Variants in MAGI1 observed in about 807,000 individuals in gnomAD.
The protein encoded by MAGI1 is membrane associated guanylate kinase, WW and PDZ domain containing 1.
In MAGI1, 58 loss-of-function variants were observed where a neutral mutation model predicts 139.9. That is an observed-to-expected ratio of 0.41 (90% CI 0.34 to 0.52). The LOEUF is 0.52. Among genes scored for constraint, MAGI1 ranks in the 20% least tolerant of loss-of-function variants. The probability of loss-of-function intolerance (pLI) is 0.12; values close to 1 mark genes in which losing one functional copy is unlikely to be tolerated. For missense variants in MAGI1, 1,874 were observed against 1,901.6 expected (o/e 0.99, Z 0.27); for synonymous variants, 812 against 737.9 (o/e 1.10, Z -1.63).
At chr3:65,615,032 AAAAGAAAG>A (rs1400293410) in intron 2 of MAGI1, among the ~76,000 whole-genome samples, 1 of 151,802 alleles carries the variant, frequency 6.6e-6, no homozygotes, top group African/African-American at 2.4e-5. Flanking sequence ...CAAAAAAAAA[AAAAGAAAG>A]AAAGAAAGAA....
intron 18 of MAGI1, among the ~76,000 whole-genome samples, chr3:65,369,354 AAAGAAT>A (rs965749503): frequency 6.6e-6 from 1 of 152,190 alleles, no homozygotes; most frequent in African/African-American, 2.4e-5. Context: ...GAAACTGCAG[AAAGAAT>A]AAGGCTACCG....
chr3:65,735,543 A>C (rs908784541), intron 1 of MAGI1, among the ~76,000 whole-genome samples: 1 of 152,138 alleles, frequency 6.6e-6, no homozygotes, highest in African/African-American at 2.4e-5. Context: ...TGAAGCCTCC[A>C]CAGATGGTCA....
At chr3:65,488,707 G>C (rs1005937275) in intron 3 of MAGI1, among the ~76,000 whole-genome samples, 3 of 151,976 alleles carry the variant, frequency 2.0e-5, no homozygotes, top group African/African-American at 7.3e-5. Flanking sequence ...TCTTGCTCCT[G>C]TTGCCCAGGC....
chr3:65,745,451 C>T (rs1209082824), intron 1 of MAGI1, among the ~76,000 whole-genome samples: 3 of 152,130 alleles, frequency 2.0e-5, no homozygotes, highest in South Asian at 2.1e-4. Context: ...AAATACAGAG[C>T]GTATTACTTA....
chr3:65,597,712 G>C (rs1272859593), intron 2 of MAGI1: 1 of 456,710 alleles, frequency 2.2e-6, no homozygotes, highest in East Asian at 7.0e-5. Flanking sequence ...GCCGCCGCCT[G>C]CCTGTCCCCA....
At chr3:65,912,004 C>G (rs1467656426) in intron 1 of MAGI1, among the ~76,000 whole-genome samples, 2 of 152,156 alleles carry the variant, frequency 1.3e-5, no homozygotes, top group Admixed American at 1.3e-4. Context: ...GATTTAAATC[C>G]AAGTGTGCCC....
chr3:65,679,799 C>A (rs1236339328), intron 1 of MAGI1, among the ~76,000 whole-genome samples: 1 of 152,102 alleles, frequency 6.6e-6, no homozygotes, highest in Non-Finnish European at 1.5e-5. Flanking sequence ...TGCTGGTTTG[C>A]AAATTATTTT....
At chr3:65,761,891 T>G (rs1287447869) in intron 1 of MAGI1, among the ~76,000 whole-genome samples, 1 of 152,130 alleles carries the variant, frequency 6.6e-6, no homozygotes, top group Non-Finnish European at 1.5e-5. Context: ...CTGTGAGAAA[T>G]GAAAAATGGT....
At chr3:65,599,570 G>C (rs1385039446) in intron 2 of MAGI1, among the ~76,000 whole-genome samples, 1 of 152,078 alleles carries the variant, frequency 6.6e-6, no homozygotes, top group Non-Finnish European at 1.5e-5. Flanking sequence ...GTTTCCCCTG[G>C]TGTACAAAAT....
chr3:65,792,863 C>A (rs546288287), intron 1 of MAGI1, among the ~76,000 whole-genome samples: 8 of 152,168 alleles, frequency 5.3e-5, no homozygotes, highest in African/African-American at 1.7e-4. Flanking sequence ...CCACGGAAAG[C>A]AAAACCATGG....
intron 13 of MAGI1, among the ~76,000 whole-genome samples, chr3:65,393,682 G>A (rs945591973): frequency 2.6e-5 from 4 of 152,098 alleles, no homozygotes; most frequent in Admixed American, 6.5e-5. Flanking sequence ...ACTCTCTTTT[G>A]GTTCCTCAAA....
At chr3:65,891,890 ATATATATATAT>A (rs2060772165) in intron 1 of MAGI1, among the ~76,000 whole-genome samples, 1 of 1,304 alleles carries the variant, frequency 7.7e-4, no homozygotes, top group Admixed American at 0.011. Flanking sequence ...AGTATAATAT[ATATATATATAT>A]ATATATATAT....
At chr3:65,493,972 T>C (rs534627610) in intron 2 of MAGI1, among the ~76,000 whole-genome samples, 1 of 152,346 alleles carries the variant, frequency 6.6e-6, no homozygotes, top group East Asian at 1.9e-4. Context: ...CAGCAGCTTT[T>C]ACGACTCCAG....
chr3:65,404,662 T>C (rs1175078746), intron 12 of MAGI1, among the ~76,000 whole-genome samples: 8 of 152,182 alleles, frequency 5.3e-5, no homozygotes, highest in Admixed American at 5.2e-4. Flanking sequence ...CTTACTAGTT[T>C]ATAATTTATT....
chr3:65,410,630 C>A (rs1945720210), intron 12 of MAGI1, among the ~76,000 whole-genome samples: 1 of 152,192 alleles, frequency 6.6e-6, no homozygotes, highest in Admixed American at 6.5e-5. Flanking sequence ...GTCAAGGTAT[C>A]TAGGGCTCAT....
chr3:65,395,550 G>A (rs763172647), intron 13 of MAGI1, among the ~76,000 whole-genome samples: 22 of 146,952 alleles, frequency 1.5e-4, no homozygotes, highest in Middle Eastern at 3.8e-3. Flanking sequence ...GCTGATGCAC[G>A]AGAATCGCTT....
intron 2 of MAGI1, among the ~76,000 whole-genome samples, chr3:65,552,510 A>C (rs942951018): frequency 6.6e-6 from 1 of 152,180 alleles, no homozygotes; most frequent in African/African-American, 2.4e-5. Context: ...TGAGCTACAC[A>C]ACTTGCTAGT....
At chr3:66,011,592 G>A (rs1001107078) in intron 1 of MAGI1, among the ~76,000 whole-genome samples, 4 of 152,044 alleles carry the variant, frequency 2.6e-5, no homozygotes, top group African/African-American at 9.7e-5. Flanking sequence ...TCCAATCCTT[G>A]TTGACTTGAG....
intron 1 of MAGI1, among the ~76,000 whole-genome samples, chr3:65,916,189 C>T (rs1352510033): frequency 6.6e-6 from 1 of 152,026 alleles, no homozygotes; most frequent in Admixed American, 6.6e-5. Flanking sequence ...GCCTAAACCT[C>T]CCAAGAAGCT....
Sources: gnomAD v4.1 joint callset for allele counts (sites outside exome capture counted in the v4.1 genomes callset) on GRCh38, gnomAD v4.1.1 for gene constraint, MANE v1.5 for transcripts, NCBI Gene and HGNC (gene_info 2026-07-23, HGNC 2026-07-21) for gene names.